SLC27A1: variants seen among roughly 807,000 people sequenced by gnomAD.
SLC27A1 encodes long-chain fatty acid transport protein 1.
Under a neutral mutation model 62.2 loss-of-function variants are expected in SLC27A1, and 61 were observed. The ratio of observed to expected loss-of-function variants is 0.98; its 90% CI spans 0.80 to 1.21. SLC27A1 has a LOEUF of 1.21. Among genes scored for constraint, SLC27A1 ranks in the 50% most tolerant of loss-of-function variants. The probability of loss-of-function intolerance (pLI) is 0.00; values close to 1 mark genes in which losing one functional copy is unlikely to be tolerated. For synonymous variants in SLC27A1, 435 were observed against 408.6 expected, an observed-to-expected ratio of 1.06 and a Z score of -0.78; for missense variants, 903 against 932.1, an observed-to-expected ratio of 0.97 and a Z score of 0.41.
chr19:17,498,511 A>T (rs2075373165), intron 7 of SLC27A1: 1 of 160,484 alleles, frequency 6.2e-6, no homozygotes, highest in South Asian at 2.0e-4. Flanking sequence ...ATTCTTGCAT[A>T]GGAAACACAC....
chr19:17,491,651 C>A (rs934525546), intron 6 of SLC27A1, among the ~76,000 whole-genome samples: 2 of 152,182 alleles, frequency 1.3e-5, no homozygotes, highest in African/African-American at 2.4e-5. Context: ...GCGGGAGGAT[C>A]GCTTGAGCCC....
At chr19:17,491,335 C>T (rs1053157473) in intron 6 of SLC27A1, 2 of 152,142 alleles carry the variant, frequency 1.3e-5, no homozygotes, top group African/African-American at 4.8e-5. Flanking sequence ...ACCCCCAGCC[C>T]CTGGCAACCA....
intron 11 of SLC27A1, among the ~76,000 whole-genome samples, chr19:17,504,235 C>G (rs1430439420): frequency 6.6e-6 from 1 of 152,136 alleles, no homozygotes; most frequent in East Asian, 1.9e-4. Flanking sequence ...TGTACATTTT[C>G]TTGCCCTGGT....
At position 17,474,497 on chromosome 19, in the gene SLC27A1, C is replaced by T. The variant is rs573113135; in HGVS notation, c.167+3790C>T. On this transcript the variant is annotated intron_variant, in intron 1 of 11. Coordinates refer to ENST00000252595, the MANE Select transcript of SLC27A1 (RefSeq NM_198580.3). The stretch of plus-strand genomic sequence containing the variant: ...GGGTGTCCATGCCTGGTTCTAAGTT[C>T]CTGACATGGCTTGACATACTTGCCT... Among the ~76,000 whole-genome samples the T allele has an allele frequency of 2.2e-4, 34 of 152,250 alleles. No homozygotes were observed. The South Asian group carries it at 7.0e-3, about 32-fold the overall frequency.
Position 17,489,002 on chromosome 19 carries a change from C to A in SLC27A1, c.887-6C>A, listed in dbSNP as rs115772896. 2,864 of 1,614,066 alleles carry A rather than the reference C, an allele frequency of 1.8e-3. 49 individuals carry two copies. In the African/African-American group the frequency reaches 0.035, roughly 20 times the overall value. ...GGGGACCCCTTACCAAGGCCACCCTCTGCAGGAAACATCATCGGCGTGGGG... is the reference window on the plus strand; with the variant it reads ...GGGGACCCCTTACCAAGGCCACCCTATGCAGGAAACATCATCGGCGTGGGG... On this transcript the variant is annotated splice_region_variant and splice_polypyrimidine_tract_variant and intron_variant, in intron 5 of 11. Coordinates refer to ENST00000252595, the MANE Select transcript of SLC27A1 (RefSeq NM_198580.3).
chr19:17,499,147 T>C, intron 7 of SLC27A1: 1 of 214,496 alleles, frequency 4.7e-6, no homozygotes, highest in South Asian at 5.9e-5. Context: ...CCCGGTCCAC[T>C]AAGTAGCAGG....
rs374135945 is a variant in SLC27A1, at chr19:17,477,543, C to CTTCT, written c.167+6855_167+6858dup. On this transcript the variant is annotated intron_variant, in intron 1 of 11. Coordinates refer to ENST00000252595, the MANE Select transcript of SLC27A1 (RefSeq NM_198580.3). ...ACAGGCATGACCCACCGTGCCTGGC[C>CTTCT]TTCTTTCTTTCTTTCTTTCTTTTTT... 3.1e-3 allele frequency among the ~76,000 whole-genome samples: 454 copies of CTTCT among 144,456 alleles called. 3 individuals are homozygous for CTTCT. Among genetic ancestry groups the CTTCT allele is most frequent in the African/African-American group, 0.011 (420 of 38,906 alleles). The allele number at this position is 144,456 out of a possible 152,430, so 94.8% of individuals were successfully genotyped here. A position where few individuals can be genotyped will look rare whatever the true frequency, so the allele number is the denominator to read the frequency against.
chr19:17,500,668 C>A, intron 9 of SLC27A1, 36 bp downstream of exon 9: 3 of 1,613,896 alleles, frequency 1.9e-6, no homozygotes, highest in Non-Finnish European at 2.5e-6. Flanking sequence ...ACTGGCTGTG[C>A]GGATGGGGAT....
chr19:17,505,227 A>G lies in SLC27A1; in HGVS notation c.*615A>G. ...TCCTCTCCTCTCCTGCCGAGAGTGG[A>G]ACACGCGTGTCCTGGGAGCTGCATC... On this transcript the variant is annotated 3_prime_UTR_variant, in exon 12 of 12. Transcript: ENST00000252595. 2 of 284,108 alleles carry G rather than the reference A, an allele frequency of 7.0e-6. No individual in the cohort carries two copies. The highest frequency in any genetic ancestry group is 6.9e-5 in the South Asian group (2 of 29,160). The allele number at this position is 284,108 out of a possible 1,614,324, so 17.6% of individuals were successfully genotyped here. A position where few individuals can be genotyped will look rare whatever the true frequency, so the allele number is the denominator to read the frequency against.
At position 17,501,393 on chromosome 19, in the gene SLC27A1, G is replaced by C; in HGVS notation, c.1757G>C (p.Arg586Pro). The C allele has an allele frequency of 6.2e-7, 1 of 1,613,526 alleles. No homozygotes were observed. The highest frequency in any genetic ancestry group is 8.5e-7 in the Non-Finnish European group (1 of 1,179,888). Residue 586 changes from arginine (R) to proline (P), a missense_variant, in exon 11 of 12, where the codon CGC becomes CCC. Arg to Pro is a moderately radical substitution (Grantham distance 103, BLOSUM62 -2). Coordinates refer to ENST00000252595, the MANE Select transcript of SLC27A1 (RefSeq NM_198580.3). ...CCCTATGCCCGGCCCATCTTCCTGC[G>C]CCTCCTGCCCCAGGTGGACACCACA... is the stretch of plus-strand genomic sequence containing the variant. ...LAPYARPIFLRLLPQVDTTGT... is the reference protein window; with the variant it reads ...LAPYARPIFLPLLPQVDTTGT...
intron 6 of SLC27A1, 134 bp downstream of exon 6, chr19:17,489,251 C>G (rs1228502402): frequency 2.9e-6 from 2 of 688,972 alleles, no homozygotes; most frequent in Non-Finnish European, 2.5e-6. Flanking sequence ...GGTCAGGTCC[C>G]GTCCTCTCCC....
Position 17,497,473 on chromosome 19 carries a change from C to A in SLC27A1, c.1206+9C>A, listed in dbSNP as rs372303749. On this transcript the variant is annotated intron_variant, in intron 7 of 11. Transcript: ENST00000252595. The stretch of plus-strand genomic sequence containing the variant: ...CCAACATGGACGGCAAGGTGCACAC[C>A]GGCAGGGCCCCGGGGCAGGTCTCGG... The A allele has an allele frequency of 3.6e-5, 57 of 1,600,654 alleles. No homozygotes were observed. Among genetic ancestry groups the A allele is most frequent in the Non-Finnish European group, 4.8e-5 (56 of 1,175,158 alleles).
At chr19:17,501,482 T>G in intron 11 of SLC27A1, 63 bp downstream of exon 11, 1 of 1,567,346 alleles carries the variant, frequency 6.4e-7, no homozygotes, top group East Asian at 2.3e-5. Context: ...GATTCATGTC[T>G]TGGTCCATTT....
Position 17,486,451 on chromosome 19 carries a change from C to A in SLC27A1, c.168-112C>A. The A allele has an allele frequency of 1.6e-6, 2 of 1,290,100 alleles. No individual in the cohort carries two copies. Among genetic ancestry groups the A allele is most frequent in the Non-Finnish European group, 2.1e-6 (2 of 961,510 alleles). 79.9% of individuals were successfully genotyped at this position (1,290,100 alleles called of 1,614,324 possible). On this transcript the variant is annotated intron_variant, in intron 1 of 11. Coordinates refer to ENST00000252595, the MANE Select transcript of SLC27A1 (RefSeq NM_198580.3). This position sits in a 1 kb window ranked among gnomAD's most constrained non-coding sequence, Gnocchi z 6.6. ...CAGCCACCAAAAGTTTCACCATAGA[C>A]CTCATCAAAGCCCCTGGCTGCCCTG... is the stretch of plus-strand genomic sequence containing the variant.
intron 7 of SLC27A1, chr19:17,498,556 C>G (rs2075373871): frequency 6.1e-6 from 1 of 165,204 alleles, no homozygotes; most frequent in East Asian, 1.6e-4. Context: ...CTGTAGGGTC[C>G]AGCCCCACAG....
chr19:17,497,455 G>C lies in SLC27A1; in HGVS notation c.1197G>C (p.Met399Ile). ...ATECNCSIAN[M>I]DGKVGSCGFN... ...AGTGCAACTGCAGCATTGCCAACAT[G>C]GACGGCAAGGTGCACACCGGCAGGG... The change falls in exon 7 of 12, where the codon ATG becomes ATC. Residue 399 changes from methionine to isoleucine, a missense_variant. Transcript: ENST00000252595. 2.5e-6 allele frequency: 4 copies of C among 1,607,576 alleles called. No homozygotes were observed. Among genetic ancestry groups the C allele is most frequent in the Non-Finnish European group, 2.5e-6 (3 of 1,177,874 alleles).
upstream of SLC27A1, chr19:17,470,467 C>CGGTCGTGGGGCGGAGCG (rs1221825190): frequency 3.8e-5 from 51 of 1,347,566 alleles, no homozygotes; most frequent in Middle Eastern, 2.7e-4. Context: ...GAGGCGGGGG[C>CGGTCGTGGGGCGGAGCG]GGTCGTGGGG....
intron 1 of SLC27A1, among the ~76,000 whole-genome samples, chr19:17,479,138 A>T (rs888346292): frequency 6.6e-6 from 1 of 151,958 alleles, no homozygotes; most frequent in African/African-American, 2.4e-5. Context: ...TGGGAACAGT[A>T]CTCACGCCTG....
chr19:17,489,549 G>T (rs1328656869), intron 6 of SLC27A1, among the ~76,000 whole-genome samples: 1 of 152,170 alleles, frequency 6.6e-6, no homozygotes, highest in Non-Finnish European at 1.5e-5. Flanking sequence ...TTGTAATGCG[G>T]CTAGGATTGG....
Sources: gnomAD v4.1 joint callset for allele counts (sites outside exome capture counted in the v4.1 genomes callset) on GRCh38, gnomAD v4.1.1 for gene constraint, Gnocchi (gnomAD v3.1) non-coding constraint, MANE v1.5 for transcripts, NCBI Gene and HGNC (gene_info 2026-07-23, HGNC 2026-07-21) for gene names.